HOXA13: variants seen among roughly 807,000 people sequenced by gnomAD.
HOXA13 encodes homeobox protein Hox-A13.
HOXA13 carries 5 observed loss-of-function variants against 25.7 expected under a neutral mutation model. The observed-to-expected ratio is 0.19, with a 90% CI of 0.10 to 0.41. The LOEUF is 0.41. Among genes scored for constraint, HOXA13 ranks in the 10% least tolerant of loss-of-function variants. The pLI is 1.00. For missense variants in HOXA13, 557 were observed against 533.5 expected (o/e 1.04, Z -0.43); for synonymous variants, 284 against 241.1 (o/e 1.18, Z -1.65).
In HOXA13 at chr7:27,200,000, C is replaced by T; in HGVS notation, c.78G>A (p.Leu26=). Residue 26 remains leucine, a synonymous_variant, in exon 1 of 2, where the codon CTG becomes CTA. Transcript: ENST00000649031. ...TGTTCTTGTTGAGCTCGTCGGCCAC[C>T]AGGCCGCCGCCGTTGTCGTAGAGAA... The part of the protein sequence containing the change: ...VMFLYDNGGG[L]VADELNKNME... 1 of 1,483,866 alleles carries T rather than the reference C, an allele frequency of 6.7e-7. No homozygotes were observed. The highest frequency in any genetic ancestry group is 9.1e-7 in the Non-Finnish European group (1 of 1,104,608). 91.9% of individuals were successfully genotyped at this position (1,483,866 alleles called of 1,614,324 possible). A position where few individuals can be genotyped will look rare whatever the true frequency, so the allele number is the denominator to read the frequency against.
At position 27,199,473 on chromosome 7, in the gene HOXA13, G is replaced by A; in HGVS notation, c.605C>T (p.Ala202Val). 6.2e-7 allele frequency: 1 copy of A among 1,612,112 alleles called. No homozygotes were observed. Among genetic ancestry groups the A allele is most frequent in the Non-Finnish European group, 8.5e-7 (1 of 1,179,462 alleles). ...GTACTTGTCCGCGAAGGCGGCGGCGGCGGCGGCCGAGGCGGGCTGCGCGCA... is the reference window on the plus strand; with the variant it reads ...GTACTTGTCCGCGAAGGCGGCGGCGACGGCGGCCGAGGCGGGCTGCGCGCA... ...KSCAQPASAA[A>V]AAAFADKYMD... The change falls in exon 1 of 2, where the codon GCC (alanine) becomes GTC (valine). Residue 202 changes from alanine to valine, a missense_variant. By Grantham distance (64) the Ala-to-Val change is moderately conservative. Transcript: ENST00000649031.
At position 27,200,039 on chromosome 7, in the gene HOXA13, C is replaced by G; in HGVS notation, c.39G>C (p.Glu13Asp). The G allele has an allele frequency of 6.7e-7, 1 of 1,483,832 alleles. No individual in the cohort carries two copies. Among genetic ancestry groups the G allele is most frequent in the South Asian group, 1.2e-5 (1 of 83,450 alleles). 91.9% of individuals were successfully genotyped at this position (1,483,832 alleles called of 1,614,324 possible). A position where few individuals can be genotyped will look rare whatever the true frequency, so the allele number is the denominator to read the frequency against. Reference sequence around the variant, plus strand: ...TGTCGTAGAGAAACATGACGGTGGGCTCGATCCAGCGGGGGTGGAGGAGCA... The same window carrying G: ...TGTCGTAGAGAAACATGACGGTGGGGTCGATCCAGCGGGGGTGGAGGAGCA... ...ASVLLHPRWI[E>D]PTVMFLYDNG... The change falls in exon 1 of 2, where the codon GAG becomes GAC. Residue 13 changes from glutamate (E) to aspartate (D), a missense_variant. Glu to Asp is a conservative substitution (Grantham distance 45, BLOSUM62 2). Transcript: ENST00000649031.
rs143288289 is a variant in HOXA13 at position 27,197,687 on chromosome 7, T to C, written c.*511A>G. ...TACCTTCTCGTTTCCCCTCTAAATC[T>C]ATACATAAAATGTTTTGCAGAACGT... On this transcript the variant is annotated 3_prime_UTR_variant, in exon 2 of 2. Coordinates refer to ENST00000649031, the MANE Select transcript of HOXA13 (RefSeq NM_000522.5). The C allele has an allele frequency of 1.4e-4, 33 of 243,060 alleles. No homozygotes were observed. In the East Asian group the frequency reaches 2.0e-3, roughly 15 times the overall value. The allele number at this position is 243,060 out of a possible 1,614,324, so 15.1% of individuals were successfully genotyped here.
chr7:27,199,079 G>C, intron 1 of HOXA13, 77 bp downstream of exon 1: 1 of 1,435,174 alleles, frequency 7.0e-7, no homozygotes, highest in South Asian at 1.3e-5. Flanking sequence ...AAACGCACCC[G>C]GGATCGCCCG....
chr7:27,199,475 G>C lies in HOXA13; in HGVS notation c.603C>G (p.Ala201=), dbSNP rs1206539877. The C allele has an allele frequency of 6.2e-7, 1 of 1,611,282 alleles. No homozygotes were observed. Among genetic ancestry groups the C allele is most frequent in the South Asian group, 1.1e-5 (1 of 90,968 alleles). The part of the protein sequence containing the change: ...IKSCAQPASA[A]AAAAFADKYM... ...ACTTGTCCGCGAAGGCGGCGGCGGC[G>C]GCGGCCGAGGCGGGCTGCGCGCACG... The change falls in exon 1 of 2, where the codon GCC becomes GCG. Residue 201 remains alanine (A), a synonymous_variant. Coordinates refer to ENST00000649031, the MANE Select transcript of HOXA13 (RefSeq NM_000522.5).
intron 1 of HOXA13, 173 bp from the exon 2 acceptor site, chr7:27,198,615 T>C: frequency 1.4e-6 from 1 of 725,920 alleles, no homozygotes. Flanking sequence ...TAGTTAGTTC[T>C]GAACTGAAAT....
chr7:27,198,873 T>A (rs1410541711), intron 1 of HOXA13: 1 of 470,454 alleles, frequency 2.1e-6, no homozygotes, highest in Non-Finnish European at 3.8e-6. Context: ...CAATTTCTCA[T>A]CCTTAAATTG....
rs1212512319 is a variant in HOXA13 at position 27,197,952 on chromosome 7, A to T, written c.*246T>A. On this transcript the variant is annotated 3_prime_UTR_variant, in exon 2 of 2. Coordinates refer to ENST00000649031, the MANE Select transcript of HOXA13 (RefSeq NM_000522.5). The stretch of plus-strand genomic sequence containing the variant: ...CGTATTTTGGGGGTTGACGTTTGAC[A>T]TTTAACGGGCTGGGCTGATGGGGTT... 1 of 549,674 alleles carries T rather than the reference A, an allele frequency of 1.8e-6. No individual in the cohort carries two copies. The highest frequency in any genetic ancestry group is 3.2e-6 in the Non-Finnish European group (1 of 309,648). The allele number at this position is 549,674 out of a possible 1,614,324, so 34.0% of individuals were successfully genotyped here.
At position 27,199,902 on chromosome 7, in the gene HOXA13, G is replaced by A; in HGVS notation, c.176C>T (p.Pro59Leu). 2.7e-6 allele frequency: 3 copies of A among 1,120,008 alleles called. No individual in the cohort carries two copies. Among genetic ancestry groups the A allele is most frequent in the Non-Finnish European group, 2.2e-6 (2 of 912,182 alleles). 69.4% of individuals were successfully genotyped at this position (1,120,008 alleles called of 1,614,324 possible). A position where few individuals can be genotyped will look rare whatever the true frequency, so the allele number is the denominator to read the frequency against. The change falls in exon 1 of 2, where the codon CCC (proline) becomes CTC (leucine). Residue 59 changes from proline to leucine, a missense_variant. Coordinates refer to ENST00000649031, the MANE Select transcript of HOXA13 (RefSeq NM_000522.5). ...CCCTGCCGCCGCAGCCGCCGGGTGG[G>A]GGAAGCCCCCGCCCCCGGCCCCGGC... ...AAAGAGGGGFPHPAAAAAGGN... is the reference protein window; with the variant it reads ...AAAGAGGGGFLHPAAAAAGGN...
rs938319018 is a variant in HOXA13 at position 27,195,208 on chromosome 7, G to A, written c.*2990C>T. ...AGCCTGTTTTTGAGACAGCTTTAGAGACTCTTTCGTAATTCTCATCTATAA... is the reference window on the plus strand; with the variant it reads ...AGCCTGTTTTTGAGACAGCTTTAGAAACTCTTTCGTAATTCTCATCTATAA... On this transcript the variant is annotated 3_prime_UTR_variant, in exon 2 of 2. Transcript: ENST00000649031. 1 of 152,196 alleles carries A rather than the reference G, an allele frequency of 6.6e-6. No homozygotes were observed. The highest frequency in any genetic ancestry group is 1.5e-5 in the Non-Finnish European group (1 of 68,036). The allele number at this position is 152,196 out of a possible 1,614,324, so 9.4% of individuals were successfully genotyped here. A position where few individuals can be genotyped will look rare whatever the true frequency, so the allele number is the denominator to read the frequency against.
rs967544167 is a variant in HOXA13 at position 27,197,749 on chromosome 7, G to A, written c.*449C>T. On this transcript the variant is annotated 3_prime_UTR_variant, in exon 2 of 2. Transcript: ENST00000649031. Reference sequence around the variant, plus strand: ...AGGAATTTCACTAAGATTTACCTGAGCAGACGCTTAACATGCAAAGGGAAT... The same window carrying A: ...AGGAATTTCACTAAGATTTACCTGAACAGACGCTTAACATGCAAAGGGAAT... The A allele has an allele frequency of 3.6e-6, 1 of 277,238 alleles. No homozygotes were observed. The highest frequency in any genetic ancestry group is 2.2e-5 in the African/African-American group (1 of 45,612). 17.2% of individuals were successfully genotyped at this position (277,238 alleles called of 1,614,324 possible).
In HOXA13 at chr7:27,198,130, T is replaced by C. The variant is rs1784027403; in HGVS notation, c.*68A>G. ...CAATTATTATTAAGCATTATTATCA[T>C]TATCTGGGCAAAGCAACGAGTTCTG... On this transcript the variant is annotated 3_prime_UTR_variant, in exon 2 of 2. Transcript: ENST00000649031. 5.2e-6 allele frequency: 8 copies of C among 1,538,718 alleles called. No homozygotes were observed. In the East Asian group the frequency reaches 1.8e-4, roughly 35 times the overall value.
rs1784001559 is a variant in HOXA13, at chr7:27,196,126, TTAA to T, written c.*2069_*2071del. On this transcript the variant is annotated 3_prime_UTR_variant, in exon 2 of 2. Coordinates refer to ENST00000649031, the MANE Select transcript of HOXA13 (RefSeq NM_000522.5). ...TTACAATATCTTGCGTCATTAGCAA[TTAA>T]TGATATGATATCTGTACAGATTCTA... 2 of 152,362 alleles carry T rather than the reference TTAA, an allele frequency of 1.3e-5. No individual in the cohort carries two copies. Among genetic ancestry groups the T allele is most frequent in the East Asian group, 3.9e-4 (2 of 5,190 alleles). 9.4% of individuals were successfully genotyped at this position (152,362 alleles called of 1,614,324 possible).
Position 27,199,822 on chromosome 7 carries a change from G to C in HOXA13, c.256C>G (p.Gln86Glu). Reference sequence around the variant, plus strand: ...GGGTGCGCCATCAGGTTGCGGCACTGGTTGGCCGCGGCCGCCGCCGCAGCC... The same window carrying C: ...GGGTGCGCCATCAGGTTGCGGCACTCGTTGGCCGCGGCCGCCGCCGCAGCC... ...AAAAAAAAAN[Q>E]CRNLMAHPAP... The change falls in exon 1 of 2, where the codon CAG becomes GAG. Residue 86 changes from glutamine to glutamate, a missense_variant. Transcript: ENST00000649031. 3.0e-6 allele frequency: 3 copies of C among 992,452 alleles called. No individual in the cohort carries two copies. Among genetic ancestry groups the C allele is most frequent in the Non-Finnish European group, 2.4e-6 (2 of 836,066 alleles). The allele number at this position is 992,452 out of a possible 1,614,324, so 61.5% of individuals were successfully genotyped here.
rs766860410 is a variant in HOXA13 at position 27,199,248 on chromosome 7, T to C, written c.830A>G (p.Gln277Arg). ...CCAGCCGTTGGGCAGCGCCCAGGGC[T>C]GGTAGCTTTCCATGGGAAGACCCAA... is the stretch of plus-strand genomic sequence containing the variant. ...EPLGLPMESY[Q>R]PWALPNGWNG... Residue 277 changes from glutamine to arginine, a missense_variant, in exon 1 of 2, where the codon CAG (glutamine) becomes CGG (arginine). By Grantham distance (43) the Gln-to-Arg change is conservative. Transcript: ENST00000649031. 1 of 1,614,000 alleles carries C rather than the reference T, an allele frequency of 6.2e-7. No homozygotes were observed. Among genetic ancestry groups the C allele is most frequent in the Admixed American group, 1.7e-5 (1 of 60,020 alleles).
chr7:27,198,030 A>G lies in HOXA13; in HGVS notation c.*168T>C. On this transcript the variant is annotated 3_prime_UTR_variant, in exon 2 of 2. Coordinates refer to ENST00000649031, the MANE Select transcript of HOXA13 (RefSeq NM_000522.5). ...TCTTAAAGTTTTAAAACAGTTGTAG[A>G]TTCCATTAAAGAGAAAGAGATCTCC... 1 of 792,426 alleles carries G rather than the reference A, an allele frequency of 1.3e-6. No homozygotes were observed. Among genetic ancestry groups the G allele is most frequent in the Non-Finnish European group, 2.0e-6 (1 of 487,964 alleles). 49.1% of individuals were successfully genotyped at this position (792,426 alleles called of 1,614,324 possible). A position where few individuals can be genotyped will look rare whatever the true frequency, so the allele number is the denominator to read the frequency against.
In HOXA13 at chr7:27,199,870, A is replaced by G; in HGVS notation, c.208T>C (p.Phe70Leu). Residue 70 changes from phenylalanine to leucine, a missense_variant, in exon 1 of 2, where the codon TTC (phenylalanine) becomes CTC (leucine). Coordinates refer to ENST00000649031, the MANE Select transcript of HOXA13 (RefSeq NM_000522.5). ...GCCGCGGCCGCCGCCGCCACCGAGAAGTTGCCCCCTGCCGCCGCAGCCGCC... is the reference window on the plus strand; with the variant it reads ...GCCGCGGCCGCCGCCGCCACCGAGAGGTTGCCCCCTGCCGCCGCAGCCGCC... ...HPAAAAAGGN[F>L]SVAAAAAAAA... 9.7e-7 allele frequency: 1 copy of G among 1,030,848 alleles called. No individual in the cohort carries two copies. Among genetic ancestry groups the G allele is most frequent in the Non-Finnish European group, 1.2e-6 (1 of 856,322 alleles). The allele number at this position is 1,030,848 out of a possible 1,614,324, so 63.9% of individuals were successfully genotyped here.
In HOXA13 at chr7:27,197,402, T is replaced by A. The variant is rs1784016473; in HGVS notation, c.*796A>T. ...GTGAATTCTGTGGATCATCTGATGA[T>A]GTAAACATTTTCAAAAAGATACAAA... is the stretch of plus-strand genomic sequence containing the variant. On this transcript the variant is annotated 3_prime_UTR_variant, in exon 2 of 2. Transcript: ENST00000649031. The A allele has an allele frequency of 4.7e-6, 1 of 213,048 alleles. No individual in the cohort carries two copies. 13.2% of individuals were successfully genotyped at this position (213,048 alleles called of 1,614,324 possible).
Position 27,199,511 on chromosome 7 carries a change from G to A in HOXA13, c.567C>T (p.Asn189=). 1 of 1,603,338 alleles carries A rather than the reference G, an allele frequency of 6.2e-7. No individual in the cohort carries two copies. The highest frequency in any genetic ancestry group is 8.5e-7 in the Non-Finnish European group (1 of 1,175,644). ...YPCARMGPHP[N]AIKSCAQPAS... The stretch of plus-strand genomic sequence containing the variant: ...CGGGCTGCGCGCACGACTTGATGGC[G>A]TTGGGGTGCGGGCCCATGCGGGCGC... The change falls in exon 1 of 2, where the codon AAC becomes AAT. Residue 189 remains asparagine, a synonymous_variant. Coordinates refer to ENST00000649031, the MANE Select transcript of HOXA13 (RefSeq NM_000522.5).
Sources: gnomAD v4.1 joint callset for allele counts on GRCh38, gnomAD v4.1.1 for gene constraint, MANE v1.5 for transcripts, NCBI Gene and HGNC (gene_info 2026-07-23, HGNC 2026-07-21) for gene names.